The following LRRC4C variants were observed in gnomAD, a reference collection of about 807,000 sequenced individuals.
LRRC4C encodes leucine rich repeat containing 4C.
Under a neutral mutation model 33.6 loss-of-function variants are expected in LRRC4C, and 5 were observed. That is an observed-to-expected ratio of 0.15 (90% confidence interval 0.08 to 0.31). The LOEUF is 0.31. Ranked by LOEUF, LRRC4C falls within the 10% of genes least tolerant of loss-of-function variation. LRRC4C has a pLI of 1.00. For synonymous variants in LRRC4C, 329 were observed against 302.0 expected (o/e 1.09, Z -0.93); for missense variants, 560 against 796.7 (o/e 0.70, Z 3.58).
At chr11:40,911,135 A>C (rs1341017601) in intron 2 of LRRC4C, among the ~76,000 whole-genome samples, 2 of 152,212 alleles carry the variant, frequency 1.3e-5, no homozygotes, top group Non-Finnish European at 2.9e-5. Context: ...GCATAGCCAA[A>C]CAAAAGGCAG....
At chr11:40,731,515 T>C (rs754688343) in intron 2 of LRRC4C, among the ~76,000 whole-genome samples, 43 of 152,154 alleles carry the variant, frequency 2.8e-4, no homozygotes, top group Non-Finnish European at 5.0e-4. Context: ...CAATTAAATT[T>C]CTTTTCTTTA....
chr11:40,536,358 T>G (rs1956472315), intron 3 of LRRC4C, among the ~76,000 whole-genome samples: 1 of 152,124 alleles, frequency 6.6e-6, no homozygotes, highest in Non-Finnish European at 1.5e-5. Flanking sequence ...CATGCCTAGC[T>G]AATTTTTGTA....
intron 2 of LRRC4C, among the ~76,000 whole-genome samples, chr11:40,800,105 C>A (rs781488487): frequency 1.2e-4 from 18 of 152,106 alleles, no homozygotes; most frequent in Non-Finnish European, 2.2e-4. Flanking sequence ...CTATAAATTC[C>A]TAATTAAGTG....
intron 3 of LRRC4C, among the ~76,000 whole-genome samples, chr11:40,437,406 T>G (rs975713314): frequency 7.2e-5 from 11 of 152,028 alleles, no homozygotes; most frequent in Non-Finnish European, 1.0e-4. Flanking sequence ...TCTTTTTTTT[T>G]TTTTGGAGAT....
At chr11:41,046,459 A>T (rs536097161) in intron 1 of LRRC4C, among the ~76,000 whole-genome samples, 1 of 152,296 alleles carries the variant, frequency 6.6e-6, no homozygotes, top group East Asian at 1.9e-4. Flanking sequence ...TACTGATATC[A>T]AACTGTTTCT....
intron 3 of LRRC4C, among the ~76,000 whole-genome samples, chr11:40,532,745 T>A (rs1956321276): frequency 6.6e-6 from 1 of 152,012 alleles, no homozygotes; most frequent in African/African-American, 2.4e-5. Flanking sequence ...ATGGGACCAT[T>A]CAATCTAAAA....
At chr11:40,800,486 CTTTT>C (rs1361716632) in intron 2 of LRRC4C, among the ~76,000 whole-genome samples, 1 of 152,148 alleles carries the variant, frequency 6.6e-6, no homozygotes, top group Admixed American at 6.5e-5. Context: ...CCGAAGTTAC[CTTTT>C]TAAAATTTCA....
At position 40,887,719 on chromosome 11, in the gene LRRC4C, AT is replaced by A. The variant is rs140769862; in HGVS notation, c.-407+45915del. On this transcript the variant is annotated intron_variant, in intron 2 of 6. Coordinates refer to ENST00000528697, the MANE Select transcript of LRRC4C (RefSeq NM_001258419.2). The stretch of plus-strand genomic sequence containing the variant: ...TCCAGGGTATGTTTTAACATAACAT[AT>A]TTTCTAGATGCAAAGCATTGTCTGT... Among the ~76,000 whole-genome samples, 326 of 152,120 alleles carry A rather than the reference AT, an allele frequency of 2.1e-3. 1 individual carries two copies. The highest frequency in any genetic ancestry group is 7.4e-3 in the African/African-American group (309 of 41,554).
chr11:41,197,798 T>C (rs966102397), intron 1 of LRRC4C, among the ~76,000 whole-genome samples: 1 of 151,972 alleles, frequency 6.6e-6, no homozygotes, highest in African/African-American at 2.4e-5. Flanking sequence ...TTAGTTTGCA[T>C]GGTAAGATAG....
intron 3 of LRRC4C, among the ~76,000 whole-genome samples, chr11:40,490,696 T>C (rs1040395111): frequency 6.6e-6 from 1 of 152,184 alleles, no homozygotes; most frequent in Admixed American, 6.6e-5. Flanking sequence ...ATAGTAAGCA[T>C]GGAACTCCTC....
At chr11:41,284,841 C>T (rs1949775155) in intron 1 of LRRC4C, among the ~76,000 whole-genome samples, 1 of 152,150 alleles carries the variant, frequency 6.6e-6, no homozygotes, top group African/African-American at 2.4e-5. Flanking sequence ...AAAAGCAACT[C>T]ACATATTTCA....
chr11:40,402,677 A>G (rs1190958555), intron 3 of LRRC4C, among the ~76,000 whole-genome samples: 2 of 152,118 alleles, frequency 1.3e-5, no homozygotes, highest in Non-Finnish European at 2.9e-5. Context: ...GACCATTCCA[A>G]TAAGTCAGAG....
intron 2 of LRRC4C, among the ~76,000 whole-genome samples, chr11:40,812,030 T>C (rs893317692): frequency 1.3e-5 from 2 of 152,192 alleles, no homozygotes. Flanking sequence ...TCCCTATTAT[T>C]TCACTTATCA....
intron 5 of LRRC4C, among the ~76,000 whole-genome samples, chr11:40,163,915 T>C (rs1213622965): frequency 6.6e-6 from 1 of 152,166 alleles, no homozygotes; most frequent in Non-Finnish European, 1.5e-5. Context: ...CATAAACAAA[T>C]ATAAACTCCC....
chr11:41,456,391 G>A (rs1313064414), intron 1 of LRRC4C, among the ~76,000 whole-genome samples: 1 of 151,572 alleles, frequency 6.6e-6, no homozygotes, highest in African/African-American at 2.4e-5. Flanking sequence ...TTTTTTTAAA[G>A]GTTCTCAGTA....
At chr11:41,408,846 G>A (rs559061711) in intron 1 of LRRC4C, among the ~76,000 whole-genome samples, 2 of 151,752 alleles carry the variant, frequency 1.3e-5, no homozygotes, top group South Asian at 2.1e-4. Context: ...TCCACCACAC[G>A]GCTGTCTGCC....
chr11:41,015,207 ATATTT>A (rs1855493138), intron 1 of LRRC4C, among the ~76,000 whole-genome samples: 1 of 152,216 alleles, frequency 6.6e-6, no homozygotes, highest in South Asian at 2.1e-4. Flanking sequence ...TTAAAATATT[ATATTT>A]TATTTACAAT....
intron 1 of LRRC4C, among the ~76,000 whole-genome samples, chr11:40,967,191 G>T (rs1300010588): frequency 6.6e-6 from 1 of 151,798 alleles, no homozygotes; most frequent in African/African-American, 2.4e-5. Flanking sequence ...GAGGGAGGAA[G>T]GGAGAAAAGA....
chr11:40,680,969 T>C (rs1944655214), intron 2 of LRRC4C, among the ~76,000 whole-genome samples: 1 of 152,214 alleles, frequency 6.6e-6, no homozygotes, highest in African/African-American at 2.4e-5. Context: ...AAGTGATCAA[T>C]AGCTACATGA....
Sources: gnomAD v4.1 joint callset for allele counts (sites outside exome capture counted in the v4.1 genomes callset) on GRCh38, gnomAD v4.1.1 for gene constraint, MANE v1.5 for transcripts, NCBI Gene and HGNC (gene_info 2026-07-23, HGNC 2026-07-21) for gene names.